The following ITPR1 variants were observed in gnomAD, a reference collection of about 807,000 sequenced individuals.
ITPR1 encodes inositol 1,4,5-trisphosphate-gated calcium channel ITPR1.
A neutral mutation model predicts 318.4 loss-of-function variants in ITPR1; 96 were observed. That is an observed-to-expected ratio of 0.30 (90% CI 0.26 to 0.36). The LOEUF (loss-of-function observed/expected upper bound fraction) is 0.36, where lower values mean the gene tolerates loss of function less well. Ranked by LOEUF, ITPR1 falls within the 10% of genes least tolerant of loss-of-function variation. ITPR1 has a pLI of 1.00. For synonymous variants in ITPR1, 1,312 were observed against 1,289.9 expected (o/e 1.02, Z -0.37); for missense variants, 2,440 against 3,460.2 (o/e 0.71, Z 7.40).
chr3:4,551,156 G>T (rs1427131154), intron 4 of ITPR1, among the ~76,000 whole-genome samples: 1 of 152,230 alleles, frequency 6.6e-6, no homozygotes, highest in Non-Finnish European at 1.5e-5. Context: ...GGCCAAGGCA[G>T]GGCTTCAGGG....
chr3:4,666,719 G>A (rs1466577955), intron 17 of ITPR1, among the ~76,000 whole-genome samples: 3 of 152,156 alleles, frequency 2.0e-5, no homozygotes, highest in African/African-American at 7.2e-5. Flanking sequence ...AGTCTATCTT[G>A]GCCAGGGAAG....
chr3:4,820,850 C>T (rs752604667), intron 60 of ITPR1, among the ~76,000 whole-genome samples: 6 of 152,200 alleles, frequency 3.9e-5, no homozygotes, highest in Non-Finnish European at 7.3e-5. Flanking sequence ...GGAGCATTAG[C>T]CCCATCAGGG....
intron 60 of ITPR1, among the ~76,000 whole-genome samples, chr3:4,824,484 C>A (rs1039246642): frequency 6.6e-6 from 1 of 152,234 alleles, no homozygotes. Flanking sequence ...CCCACATATC[C>A]GCATGTGGTT....
intron 60 of ITPR1, among the ~76,000 whole-genome samples, chr3:4,830,146 T>C (rs2050378940): frequency 6.6e-6 from 1 of 151,836 alleles, no homozygotes; most frequent in East Asian, 1.9e-4. Flanking sequence ...GCTAATTTTT[T>C]TGTATTTTTA....
intron 4 of ITPR1, among the ~76,000 whole-genome samples, chr3:4,616,476 T>C (rs1170174557): frequency 6.6e-6 from 1 of 152,236 alleles, no homozygotes; most frequent in African/African-American, 2.4e-5. Flanking sequence ...TCTTTCCTCT[T>C]ATCCTTTTCA....
chr3:4,659,876 T>C (rs760261802), intron 13 of ITPR1, among the ~76,000 whole-genome samples: 56 of 152,144 alleles, frequency 3.7e-4, no homozygotes, highest in Middle Eastern at 3.2e-3. Flanking sequence ...TAGAATATAA[T>C]AAATTTGTAT....
intron 46 of ITPR1, among the ~76,000 whole-genome samples, chr3:4,770,677 C>T (rs951749101): frequency 1.9e-4 from 29 of 152,162 alleles, no homozygotes; most frequent in Non-Finnish European, 1.5e-5. Context: ...CCATCGGTTT[C>T]CTTAGTTTTC....
At chr3:4,770,915 G>C (rs1424203487) in intron 46 of ITPR1, among the ~76,000 whole-genome samples, 1 of 152,150 alleles carries the variant, frequency 6.6e-6, no homozygotes, top group Non-Finnish European at 1.5e-5. Context: ...CGGGATTCAG[G>C]CAAAGGGGGA....
chr3:4,797,616 G>T (rs1041254513), intron 53 of ITPR1, among the ~76,000 whole-genome samples: 1 of 152,188 alleles, frequency 6.6e-6, no homozygotes, highest in Non-Finnish European at 1.5e-5. Context: ...ATTGCTTACT[G>T]AATTTGTGAG....
At chr3:4,680,192 C>T (rs569836740) in intron 24 of ITPR1, among the ~76,000 whole-genome samples, 66 of 152,282 alleles carry the variant, frequency 4.3e-4, no homozygotes, top group African/African-American at 1.6e-3. Context: ...CAGGCAACTT[C>T]ACTCTTTTCA....
chr3:4,693,642 C>T lies in ITPR1; in HGVS notation c.4182C>T (p.Cys1394=), dbSNP rs1307511824. Residue 1394 remains cysteine (C), a synonymous_variant, in exon 33 of 62, where the codon TGC becomes TGT. Transcript: ENST00000649015. The part of the protein sequence containing the change: ...HIHLVELLAV[C]TEGKNVYTEI... ...ACTTGGTCGAGCTCCTGGCTGTGTG[C>T]ACGGAGGGTAAGAATGTCTACACAG... 1 of 1,614,030 alleles carries T rather than the reference C, an allele frequency of 6.2e-7. No homozygotes were observed. The highest frequency in any genetic ancestry group is 2.2e-5 in the East Asian group (1 of 44,882).
intron 24 of ITPR1, among the ~76,000 whole-genome samples, chr3:4,679,775 C>T (rs547385567): frequency 6.6e-6 from 1 of 152,124 alleles, no homozygotes; most frequent in African/African-American, 2.4e-5. Flanking sequence ...AGTTTGAGGC[C>T]CTGGGAAGAT....
In ITPR1 at chr3:4,674,233, A is replaced by C; in HGVS notation, c.2488A>C (p.Ile830Leu). 1 of 1,559,382 alleles carries C rather than the reference A, an allele frequency of 6.4e-7. No homozygotes were observed. The highest frequency in any genetic ancestry group is 8.7e-7 in the Non-Finnish European group (1 of 1,150,722). The change falls in exon 22 of 62, where the codon ATT becomes CTT. Residue 830 changes from isoleucine (I) to leucine (L), a missense_variant. Transcript: ENST00000649015. ...TAGTAGTGGAGCTTCCAAAGATGAA[A>C]TTAAGGAGAGATTTGCTCAGACCAT... ...YDSSGASKDE[I>L]KERFAQTMEF...
At chr3:4,839,327 CAAA>C (rs111394522) in intron 61 of ITPR1, among the ~76,000 whole-genome samples, 1 of 134,422 alleles carries the variant, frequency 7.4e-6, no homozygotes, top group African/African-American at 2.7e-5. Flanking sequence ...AATTCCATCT[CAAA>C]AAAAAAAAAA....
At chr3:4,677,083 T>A (rs893835700) in intron 24 of ITPR1, among the ~76,000 whole-genome samples, 11 of 152,208 alleles carry the variant, frequency 7.2e-5, no homozygotes, top group African/African-American at 2.7e-4. Context: ...CTGCCTAGAA[T>A]TCACTTACCT....
At chr3:4,673,087 CTG>C (rs977976059) in intron 20 of ITPR1, 47 bp from the exon 21 acceptor site, 7 of 1,568,800 alleles carry the variant, frequency 4.5e-6, no homozygotes, top group Non-Finnish European at 4.3e-6. Flanking sequence ...TTCATTCATC[CTG>C]AATGATTTCT....
At chr3:4,564,581 G>C (rs1420420417) in intron 4 of ITPR1, among the ~76,000 whole-genome samples, 5 of 152,062 alleles carry the variant, frequency 3.3e-5, no homozygotes, top group Admixed American at 2.6e-4. Context: ...TTAGGAGCTG[G>C]GTACTTTGAG....
intron 4 of ITPR1, among the ~76,000 whole-genome samples, chr3:4,602,299 T>C (rs1390491497): frequency 1.3e-5 from 2 of 152,190 alleles, no homozygotes; most frequent in East Asian, 3.9e-4. Flanking sequence ...GTGGGTGGAT[T>C]GCTTGGGCCC....
At chr3:4,662,333 A>G in intron 15 of ITPR1, 91 bp downstream of exon 15, 1 of 1,164,768 alleles carries the variant, frequency 8.6e-7, no homozygotes, top group Non-Finnish European at 1.2e-6. Flanking sequence ...GTGACTCTGA[A>G]CAGCTAAACA....
Sources: allele counts gnomAD v4.1 joint callset (sites outside exome capture counted in the v4.1 genomes callset), GRCh38; gene constraint gnomAD v4.1.1; transcripts MANE v1.5; gene names NCBI Gene and HGNC (gene_info 2026-07-23, HGNC 2026-07-21).